The following PHF21B variants were observed in gnomAD, a reference collection of about 807,000 sequenced individuals.
The protein encoded by PHF21B is PHD finger protein 4.
A neutral mutation model predicts 62.2 loss-of-function variants in PHF21B; 22 were observed. The observed-to-expected ratio is 0.35, with a 90% CI of 0.25 to 0.51. The LOEUF (loss-of-function observed/expected upper bound fraction) is 0.51, where lower values mean the gene tolerates loss of function less well. Among genes scored for constraint, PHF21B ranks in the 20% least tolerant of loss-of-function variants. The pLI is 0.97. For missense variants in PHF21B, 701 were observed against 707.9 expected (o/e 0.99, Z 0.11); for synonymous variants, 341 against 314.7 (o/e 1.08, Z -0.88).
chr22:44,929,723 C>T (rs2071703125), intron 2 of PHF21B, among the ~76,000 whole-genome samples: 3 of 152,342 alleles, frequency 2.0e-5, no homozygotes, highest in African/African-American at 7.2e-5. Flanking sequence ...CTAACAGCAG[C>T]CGGTGGCACT....
rs1363651501 is a variant in PHF21B, at chr22:44,888,013, G to A, written c.1147C>T (p.Leu383Phe). 6.4e-7 allele frequency: 1 copy of A among 1,571,400 alleles called. No individual in the cohort carries two copies. Among genetic ancestry groups the A allele is most frequent in the South Asian group, 1.2e-5 (1 of 85,232 alleles). ...AYHLSCLEPP[L>F]KTAPKGVWVC... ...CACACGCCCTTGGGCGCCGTCTTGAGGGGCGGCTCCAGGCAGCTGAGGTGG... is the reference window on the plus strand; with the variant it reads ...CACACGCCCTTGGGCGCCGTCTTGAAGGGCGGCTCCAGGCAGCTGAGGTGG... The change falls in exon 10 of 13, where the codon CTC becomes TTC. Residue 383 changes from leucine (L) to phenylalanine (F), a missense_variant. Transcript: ENST00000313237.
In PHF21B at chr22:45,009,388, G is replaced by A; in HGVS notation, c.54+108C>T. ...GCCCCCCGCCCCCGGGCAGGCTCCA[G>A]CCTGGAAGACCCAGAGACCCGGAAG... On this transcript the variant is annotated intron_variant, in intron 1 of 12. Transcript: ENST00000313237. The surrounding 1 kb of genome is among the most constrained non-coding windows in gnomAD (Gnocchi z 5.9). 2 of 1,197,204 alleles carry A rather than the reference G, an allele frequency of 1.7e-6. No homozygotes were observed. Among genetic ancestry groups the A allele is most frequent in the Non-Finnish European group, 1.1e-6 (1 of 885,930 alleles). 74.2% of individuals were successfully genotyped at this position (1,197,204 alleles called of 1,614,324 possible).
At chr22:44,916,691 G>A (rs945676216) in intron 3 of PHF21B, 61 bp from the exon 4 acceptor site, 5 of 1,472,562 alleles carry the variant, frequency 3.4e-6, no homozygotes, top group South Asian at 1.1e-5. Flanking sequence ...CAGGGGAGGG[G>A]CCGCCCTGGC....
chr22:44,917,961 C>A (rs1336777399), intron 3 of PHF21B, among the ~76,000 whole-genome samples: 1 of 152,238 alleles, frequency 6.6e-6, no homozygotes, highest in East Asian at 1.9e-4. Context: ...TGAGCCCGGC[C>A]TCCCACATCA....
intron 6 of PHF21B, among the ~76,000 whole-genome samples, chr22:44,894,038 C>A (rs910328958): frequency 1.3e-5 from 2 of 152,206 alleles, no homozygotes; most frequent in Non-Finnish European, 2.9e-5. Flanking sequence ...ACGGTGTTTT[C>A]TTTTCCTTTT....
intron 5 of PHF21B, among the ~76,000 whole-genome samples, chr22:44,898,462 C>T (rs1372305274): frequency 1.3e-5 from 2 of 152,144 alleles, no homozygotes; most frequent in Non-Finnish European, 2.9e-5. Flanking sequence ...TCCGTGCCTG[C>T]CCCGTGCCCC....
intron 1 of PHF21B, chr22:45,008,927 G>C: frequency 9.0e-7 from 1 of 1,111,044 alleles, no homozygotes; most frequent in Non-Finnish European, 1.1e-6. Flanking sequence ...AGTGTGTGCC[G>C]GGGGAGGGGG....
In PHF21B at chr22:44,881,880, GT is replaced by G. The variant is rs1463261419; in HGVS notation, c.*1205del. On this transcript the variant is annotated 3_prime_UTR_variant, in exon 13 of 13. Transcript: ENST00000313237. ...GCAGAAGCCCTTGGCAGCAAGTCTGGTCCCCGAAGGCCGGAACCTCCCGAGC... is the reference window on the plus strand; with the variant it reads ...GCAGAAGCCCTTGGCAGCAAGTCTGGCCCCGAAGGCCGGAACCTCCCGAGC... 1.5e-5 allele frequency: 2 copies of G among 132,170 alleles called. No individual in the cohort carries two copies. The highest frequency in any genetic ancestry group is 4.7e-4 in the East Asian group (2 of 4,296). 8.2% of individuals were successfully genotyped at this position (132,170 alleles called of 1,614,324 possible).
intron 7 of PHF21B, among the ~76,000 whole-genome samples, chr22:44,892,351 C>T (rs1377646965): frequency 6.6e-6 from 1 of 152,214 alleles, no homozygotes; most frequent in Non-Finnish European, 1.5e-5. Flanking sequence ...AAGGCGTGGA[C>T]AGGCTGATGA....
intron 3 of PHF21B, among the ~76,000 whole-genome samples, chr22:44,919,831 A>G (rs2071502397): frequency 6.6e-6 from 1 of 152,206 alleles, no homozygotes; most frequent in Non-Finnish European, 1.5e-5. Context: ...CCAACGAAGG[A>G]AGCCGGCACC....
intron 2 of PHF21B, among the ~76,000 whole-genome samples, chr22:44,938,371 T>A (rs908696333): frequency 6.6e-6 from 1 of 152,234 alleles, no homozygotes; most frequent in African/African-American, 2.4e-5. Context: ...GTAGCTGGGA[T>A]TACAGGCACC....
At chr22:44,950,976 C>T (rs1430936037) in intron 2 of PHF21B, among the ~76,000 whole-genome samples, 3 of 152,086 alleles carry the variant, frequency 2.0e-5, no homozygotes, top group Non-Finnish European at 2.9e-5. Flanking sequence ...ACATCACAGG[C>T]GGGCCACACG....
chr22:44,902,526 G>A (rs565843073), intron 5 of PHF21B: 65 of 161,284 alleles, frequency 4.0e-4, no homozygotes, highest in Non-Finnish European at 7.7e-4. Flanking sequence ...GTCCCTTACC[G>A]TGTCTTCTGC....
rs539824436 is a variant in PHF21B, at chr22:44,912,750, C to T, written c.831+1072G>A. Among the ~76,000 whole-genome samples the T allele has an allele frequency of 2.2e-3, 334 of 151,918 alleles. 3 individuals are homozygous for T. The highest frequency in any genetic ancestry group is 7.3e-3 in the African/African-American group (303 of 41,436). ...AAAATTAGCCAGTAGTGGTAGTGCA[C>T]ACCTTGTAGTCCCAGCTACTTGGGA... On this transcript the variant is annotated intron_variant, in intron 5 of 12. Transcript: ENST00000313237.
At chr22:44,912,187 T>C (rs1182979059) in intron 5 of PHF21B, among the ~76,000 whole-genome samples, 1 of 152,274 alleles carries the variant, frequency 6.6e-6, no homozygotes, top group Non-Finnish European at 1.5e-5. Flanking sequence ...GCTTTGATTT[T>C]ACAGGCTCAT....
chr22:44,917,272 C>T (rs563138875), intron 3 of PHF21B, among the ~76,000 whole-genome samples: 3 of 152,334 alleles, frequency 2.0e-5, no homozygotes, highest in African/African-American at 7.2e-5. Flanking sequence ...CACACCTGAA[C>T]TGGGCCAGGT....
At chr22:44,988,574 C>T (rs1337719071) in intron 2 of PHF21B, among the ~76,000 whole-genome samples, 1 of 152,198 alleles carries the variant, frequency 6.6e-6, no homozygotes, top group Non-Finnish European at 1.5e-5. Flanking sequence ...TCAAAATAGT[C>T]ATAACCAACT....
intron 5 of PHF21B, chr22:44,901,967 C>A: frequency 4.8e-6 from 1 of 208,988 alleles, no homozygotes. Context: ...ATGGCAAAAA[C>A]CCCTTCAGCC....
At chr22:44,938,734 G>A (rs2071897719) in intron 2 of PHF21B, among the ~76,000 whole-genome samples, 1 of 152,202 alleles carries the variant, frequency 6.6e-6, no homozygotes, top group Admixed American at 6.5e-5. Context: ...ATGTCAATGA[G>A]GGCCTGAAAA....
Sources: gnomAD v4.1 joint callset for allele counts (sites outside exome capture counted in the v4.1 genomes callset) on GRCh38, gnomAD v4.1.1 for gene constraint, Gnocchi (gnomAD v3.1) non-coding constraint, MANE v1.5 for transcripts, NCBI Gene and HGNC (gene_info 2026-07-23, HGNC 2026-07-21) for gene names.